ERLIN1: variants seen among roughly 807,000 people sequenced by gnomAD.
ERLIN1 encodes the protein erlin-1.
A neutral mutation model predicts 46.9 loss-of-function variants in ERLIN1; 24 were observed. That is an observed-to-expected ratio of 0.51 (90% CI 0.37 to 0.72). The LOEUF (loss-of-function observed/expected upper bound fraction) is 0.72. ERLIN1 is among the 30% of genes least tolerant of loss of function. The probability of loss-of-function intolerance (pLI) is 0.00; values close to 1 mark genes in which losing one functional copy is unlikely to be tolerated. For synonymous variants in ERLIN1, 158 were observed against 143.2 expected (o/e 1.10, Z -0.74); for missense variants, 293 against 417.9 (o/e 0.70, Z 2.61).
At chr10:100,176,497 A>G (rs1472510376) in intron 4 of ERLIN1, among the ~76,000 whole-genome samples, 1 of 152,226 alleles carries the variant, frequency 6.6e-6, no homozygotes, top group Non-Finnish European at 1.5e-5. Context: ...CTAAGAGGTA[A>G]AGAGAGACTA....
chr10:100,158,823 G>C (rs115272306), intron 8 of ERLIN1, among the ~76,000 whole-genome samples: 1 of 151,812 alleles, frequency 6.6e-6, no homozygotes, highest in African/African-American at 2.4e-5. Flanking sequence ...TTCCAATCAA[G>C]TAAAAGGAAG....
At chr10:100,156,325 A>C in intron 8 of ERLIN1, 91 bp from the exon 9 acceptor site, 1 of 759,230 alleles carries the variant, frequency 1.3e-6, no homozygotes, top group Non-Finnish European at 2.3e-6. Flanking sequence ...CTAACATTTA[A>C]TTACAGAAAG....
chr10:100,185,591 T>A lies in ERLIN1; in HGVS notation c.36A>T (p.Ala12=), dbSNP rs756649944. The change falls in exon 1 of 11, where the codon GCA becomes GCT. Residue 12 remains alanine, a synonymous_variant. Transcript: ENST00000421367. ...NMTQARVLVA[A]VVGLVAVLLY... Reference sequence around the variant, plus strand: ...GCAGGACAGCCACCAACCCCACCACTGCAGCCACCAGAACCCGGGCTTGAG... The same window carrying A: ...GCAGGACAGCCACCAACCCCACCACAGCAGCCACCAGAACCCGGGCTTGAG... 2.2e-5 allele frequency: 36 copies of A among 1,613,982 alleles called. No homozygotes were observed. The highest frequency in any genetic ancestry group is 3.0e-5 in the Non-Finnish European group (35 of 1,179,864).
intron 8 of ERLIN1, among the ~76,000 whole-genome samples, chr10:100,156,813 G>C (rs552900920): frequency 6.6e-6 from 1 of 152,198 alleles, no homozygotes; most frequent in South Asian, 2.1e-4. Flanking sequence ...AAGAGTTCAA[G>C]ACCAGCTTAA....
Position 100,185,830 on chromosome 10 carries a change from G to T in ERLIN1, c.-204C>A. On this transcript the variant is annotated 5_prime_UTR_variant, in exon 1 of 11. In the 5' UTR this introduces an upstream ATG that the reference lacks. Coordinates refer to ENST00000421367, the MANE Select transcript of ERLIN1 (RefSeq NM_006459.4). ...CCAACTCCTCCGCCCCCGGAGGCCA[G>T]TGGGCCGCCCCTGCTCGGTGAGCTT... is the stretch of plus-strand genomic sequence containing the variant. 1.7e-6 allele frequency: 1 copy of T among 589,168 alleles called. No homozygotes were observed. The highest frequency in any genetic ancestry group is 3.0e-6 in the Non-Finnish European group (1 of 330,034). The allele number at this position is 589,168 out of a possible 1,614,324, so 36.5% of individuals were successfully genotyped here.
At chr10:100,154,411 T>C (rs1022658118) in intron 10 of ERLIN1, among the ~76,000 whole-genome samples, 3 of 152,202 alleles carry the variant, frequency 2.0e-5, no homozygotes, top group Non-Finnish European at 2.9e-5. Context: ...TGACATTCAG[T>C]AGACAAGGGC....
Position 100,183,766 on chromosome 10 carries a change from C to A in ERLIN1, c.185G>T (p.Arg62Ile), listed in dbSNP as rs1445040591. The change falls in exon 2 of 11, where the codon AGA becomes ATA. Residue 62 changes from arginine (R) to isoleucine (I), a missense_variant. Arg to Ile is a moderately conservative substitution (Grantham distance 97, BLOSUM62 -3). Transcript: ENST00000421367. ...HIMLPFITTF[R>I]SVQTTLQTDE... is the part of the protein sequence containing the mutation. ...CTAGGAATCACTCACCTGCACAGAT[C>A]TGAACGTAGTAATGAAAGGCAACAT... 1 of 1,612,434 alleles carries A rather than the reference C, an allele frequency of 6.2e-7. No homozygotes were observed. The highest frequency in any genetic ancestry group is 1.1e-5 in the South Asian group (1 of 91,036).
chr10:100,150,817 C>G lies in ERLIN1; in HGVS notation c.*1314G>C, dbSNP rs1326936600. On this transcript the variant is annotated 3_prime_UTR_variant, in exon 11 of 11. Transcript: ENST00000421367. Reference sequence around the variant, plus strand: ...AGCACACTGCTCCAGAAAAGTTAAACTGAAGGAAAAAAAGGGTCCACATGA... The same window carrying G: ...AGCACACTGCTCCAGAAAAGTTAAAGTGAAGGAAAAAAAGGGTCCACATGA... 1.3e-5 allele frequency: 2 copies of G among 152,138 alleles called. No individual in the cohort carries two copies. The highest frequency in any genetic ancestry group is 6.5e-5 in the Admixed American group (1 of 15,288). 9.4% of individuals were successfully genotyped at this position (152,138 alleles called of 1,614,324 possible).
At position 100,169,861 on chromosome 10, in the gene ERLIN1, T is replaced by TA. The variant is rs562824659; in HGVS notation, c.505-2456dup. On this transcript the variant is annotated intron_variant, in intron 6 of 10. Coordinates refer to ENST00000421367, the MANE Select transcript of ERLIN1 (RefSeq NM_006459.4). ...GGCAAAGGCCCATCTCTACAAAAAA[T>TA]AAAAAAATTAGCCAGATGTGGGGGT... Among the ~76,000 whole-genome samples, 4 of 151,754 alleles carry TA rather than the reference T, an allele frequency of 2.6e-5. No homozygotes were observed. In the South Asian group the frequency reaches 8.3e-4, roughly 32 times the overall value.
At chr10:100,178,308 G>GA (rs1844433391) in intron 3 of ERLIN1, 114 bp from the exon 4 acceptor site, 1 of 646,714 alleles carries the variant, frequency 1.5e-6, no homozygotes, top group Non-Finnish European at 2.7e-6. Context: ...TTAAAACACA[G>GA]AAAGAGTTCG....
chr10:100,168,212 C>T (rs1843756568), intron 6 of ERLIN1, among the ~76,000 whole-genome samples: 1 of 152,178 alleles, frequency 6.6e-6, no homozygotes, highest in Non-Finnish European at 1.5e-5. Flanking sequence ...ACAAAAAACA[C>T]TTTGCTGGTC....
chr10:100,158,361 C>T (rs1843181495), intron 8 of ERLIN1, among the ~76,000 whole-genome samples: 1 of 152,158 alleles, frequency 6.6e-6, no homozygotes, highest in Non-Finnish European at 1.5e-5. Flanking sequence ...GGACTAACAA[C>T]ATACTTGTAA....
intron 6 of ERLIN1, among the ~76,000 whole-genome samples, chr10:100,172,439 C>T (rs567443763): frequency 2.6e-5 from 4 of 152,206 alleles, no homozygotes; most frequent in East Asian, 3.9e-4. Context: ...ACATAAATAA[C>T]GTGTGTGTAT....
chr10:100,169,735 A>G (rs1843879357), intron 6 of ERLIN1, among the ~76,000 whole-genome samples: 1 of 152,226 alleles, frequency 6.6e-6, no homozygotes, highest in Non-Finnish European at 1.5e-5. Context: ...AAAACCAAAA[A>G]GGCTGATATG....
chr10:100,154,888 G>C lies in ERLIN1; in HGVS notation c.797C>G (p.Ala266Gly). The change falls in exon 10 of 11, where the codon GCT (alanine) becomes GGT (glycine). Residue 266 changes from alanine to glycine, a missense_variant. Physicochemically the swap from Ala to Gly is moderately conservative, Grantham distance 60 (BLOSUM62 0). Coordinates refer to ENST00000421367, the MANE Select transcript of ERLIN1 (RefSeq NM_006459.4). The part of the protein sequence containing the change: ...EKAKADAEYY[A>G]AHKYATSNKH... Reference sequence around the variant, plus strand: ...GTTTGAGGTGGCATATTTGTGTGCAGCATAATATTCAGCATCTGCTTTCGC... The same window carrying C: ...GTTTGAGGTGGCATATTTGTGTGCACCATAATATTCAGCATCTGCTTTCGC... 6.2e-7 allele frequency: 1 copy of C among 1,613,924 alleles called. No homozygotes were observed. The highest frequency in any genetic ancestry group is 8.5e-7 in the Non-Finnish European group (1 of 1,179,822).
intron 8 of ERLIN1, among the ~76,000 whole-genome samples, chr10:100,161,242 A>C (rs1843349055): frequency 1.3e-5 from 2 of 152,220 alleles, no homozygotes; most frequent in South Asian, 2.1e-4. Context: ...GGGAAATCTA[A>C]GCGACTATTA....
chr10:100,183,264 T>G (rs577090450), intron 2 of ERLIN1, among the ~76,000 whole-genome samples: 3 of 152,306 alleles, frequency 2.0e-5, no homozygotes, highest in African/African-American at 7.2e-5. Flanking sequence ...CGGGATGCCA[T>G]CAAAATATAA....
chr10:100,179,559 C>T (rs996504978), intron 2 of ERLIN1, among the ~76,000 whole-genome samples: 2 of 151,794 alleles, frequency 1.3e-5, no homozygotes, highest in East Asian at 1.9e-4. Context: ...TGGGTTCAGG[C>T]GGTTCTTGTG....
chr10:100,156,185 C>G lies in ERLIN1; in HGVS notation c.705G>C (p.Val235=), dbSNP rs763222199. 1 of 1,613,464 alleles carries G rather than the reference C, an allele frequency of 6.2e-7. No homozygotes were observed. The highest frequency in any genetic ancestry group is 1.1e-5 in the South Asian group (1 of 90,996). ...TGCGCTTTTCAGTTTCTTTTTCCAT[C>G]ACTTTCTGCTGAAACCGAATTTTTG... The part of the protein sequence containing the change: ...QVAKIRFQQK[V]MEKETEKRIS... The change falls in exon 9 of 11, where the codon GTG becomes GTC. Residue 235 remains valine (V), a synonymous_variant. Coordinates refer to ENST00000421367, the MANE Select transcript of ERLIN1 (RefSeq NM_006459.4).
Sources: allele counts gnomAD v4.1 joint callset (sites outside exome capture counted in the v4.1 genomes callset), GRCh38; gene constraint gnomAD v4.1.1; transcripts MANE v1.5; gene names NCBI Gene and HGNC (gene_info 2026-07-23, HGNC 2026-07-21).